ARL15: variants seen among roughly 807,000 people sequenced by gnomAD.
ARL15 encodes ADP-ribosylation factor-like protein 15.
ARL15 carries 19 observed loss-of-function variants against 25.2 expected under a neutral mutation model. The observed-to-expected ratio is 0.75, with a 90% CI of 0.53 to 1.10. The LOEUF (loss-of-function observed/expected upper bound fraction) is 1.10, where lower values mean the gene tolerates loss of function less well. Among genes scored for constraint, ARL15 ranks in the 50% least tolerant of loss-of-function variants. ARL15 has a pLI of 0.00. For synonymous variants in ARL15, 94 were observed against 86.8 expected, an observed-to-expected ratio of 1.08 and a Z score of -0.46; for missense variants, 220 against 246.0, an observed-to-expected ratio of 0.89 and a Z score of 0.71.
At chr5:53,901,457 A>G (rs1745060980) in intron 4 of ARL15, among the ~76,000 whole-genome samples, 1 of 152,206 alleles carries the variant, frequency 6.6e-6, no homozygotes, top group South Asian at 2.1e-4. Flanking sequence ...AATGAGTGAA[A>G]GCCCCAAACA....
intron 4 of ARL15, among the ~76,000 whole-genome samples, chr5:54,095,884 T>C (rs569985601): frequency 6.6e-6 from 1 of 152,210 alleles, no homozygotes; most frequent in South Asian, 2.1e-4. Flanking sequence ...AAAATTAGAT[T>C]ACATTTTAAA....
At chr5:54,105,454 T>G (rs1228275629) in intron 4 of ARL15, among the ~76,000 whole-genome samples, 3 of 152,204 alleles carry the variant, frequency 2.0e-5, no homozygotes, top group Middle Eastern at 3.2e-3. Context: ...AGTCTCTAAC[T>G]TTACTAGTTA....
intron 4 of ARL15, among the ~76,000 whole-genome samples, chr5:54,028,596 A>T (rs1209634287): frequency 1.3e-5 from 2 of 152,190 alleles, no homozygotes; most frequent in Admixed American, 6.5e-5. Flanking sequence ...TTTTACCAAT[A>T]TGTCAAAAGT....
At chr5:53,893,783 C>T (rs540662156) in intron 4 of ARL15, among the ~76,000 whole-genome samples, 1 of 152,286 alleles carries the variant, frequency 6.6e-6, no homozygotes, top group African/African-American at 2.4e-5. Context: ...GCCATGCCCA[C>T]GCCATGGCTC....
intron 4 of ARL15, among the ~76,000 whole-genome samples, chr5:54,039,735 G>A (rs1355072281): frequency 6.8e-6 from 1 of 146,036 alleles, no homozygotes; most frequent in African/African-American, 2.5e-5. Context: ...CCGGGAGGTG[G>A]AGGTTGCAGT....
intron 4 of ARL15, among the ~76,000 whole-genome samples, chr5:54,095,041 T>C (rs990585921): frequency 3.3e-5 from 5 of 152,210 alleles, no homozygotes; most frequent in Non-Finnish European, 7.3e-5. Flanking sequence ...AACTAAGATA[T>C]ATTTTCTAAT....
intron 4 of ARL15, among the ~76,000 whole-genome samples, chr5:53,911,190 A>G (rs561488179): frequency 6.6e-6 from 1 of 152,312 alleles, no homozygotes; most frequent in East Asian, 1.9e-4. Context: ...TGGTATGAGA[A>G]GCTTCAACTG....
intron 4 of ARL15, among the ~76,000 whole-genome samples, chr5:54,077,188 G>A (rs1751636932): frequency 6.6e-6 from 1 of 152,142 alleles, no homozygotes; most frequent in Admixed American, 6.5e-5. Flanking sequence ...GCAACAGGAT[G>A]AAGGATGATA....
At chr5:54,269,620 A>T (rs541218317) in intron 1 of ARL15, among the ~76,000 whole-genome samples, 2 of 152,318 alleles carry the variant, frequency 1.3e-5, no homozygotes, top group South Asian at 4.1e-4. Flanking sequence ...TTTTATTTAC[A>T]CAACATAGAG....
At chr5:54,091,336 A>G (rs1043761636) in intron 4 of ARL15, among the ~76,000 whole-genome samples, 1 of 152,164 alleles carries the variant, frequency 6.6e-6, no homozygotes, top group Non-Finnish European at 1.5e-5. Flanking sequence ...CAAATTCCAT[A>G]GTTATACATA....
At chr5:54,197,630 G>A (rs1397600046) in intron 1 of ARL15, among the ~76,000 whole-genome samples, 5 of 152,126 alleles carry the variant, frequency 3.3e-5, no homozygotes, top group Non-Finnish European at 7.3e-5. Flanking sequence ...AGAGCATAAG[G>A]AGCTGAAATT....
At chr5:53,889,810 GTT>G (rs35947755) in intron 4 of ARL15, among the ~76,000 whole-genome samples, 12 of 135,838 alleles carry the variant, frequency 8.8e-5, no homozygotes, top group South Asian at 4.8e-4. Context: ...AGTTCTGACT[GTT>G]TTTTTTTTTT....
intron 3 of ARL15, among the ~76,000 whole-genome samples, chr5:54,142,953 A>AT (rs1753812999): frequency 6.6e-6 from 1 of 152,120 alleles, no homozygotes; most frequent in Non-Finnish European, 1.5e-5. Flanking sequence ...GTACTTTTAA[A>AT]TTTTGTTGGC....
At chr5:54,027,336 C>A (rs529800675) in intron 4 of ARL15, among the ~76,000 whole-genome samples, 6 of 152,306 alleles carry the variant, frequency 3.9e-5, no homozygotes, top group Admixed American at 3.3e-4. Context: ...TTGTCTTAAC[C>A]AGTCGGAAGG....
At chr5:54,183,693 G>A (rs1263254335) in intron 1 of ARL15, among the ~76,000 whole-genome samples, 9 of 149,350 alleles carry the variant, frequency 6.0e-5, no homozygotes, top group Non-Finnish European at 7.5e-5. Context: ...TCAGTGTGGC[G>A]ATACCTCAGG....
rs544168736 is a variant in ARL15, at chr5:54,032,251, T to G, written c.462+80951A>C. ...TTTATTCTTCTTCTTATTTTTTTTT[T>G]GAGACAGAGTCTCACTCTGTCGCCC... On this transcript the variant is annotated intron_variant, in intron 4 of 4. Coordinates refer to ENST00000504924, the MANE Select transcript of ARL15 (RefSeq NM_019087.3). Among the ~76,000 whole-genome samples, 7 of 152,184 alleles carry G rather than the reference T, an allele frequency of 4.6e-5. No individual in the cohort carries two copies. The South Asian group carries it at 1.5e-3, about 32-fold the overall frequency.
intron 1 of ARL15, among the ~76,000 whole-genome samples, chr5:54,256,749 A>C (rs991079049): frequency 6.6e-6 from 1 of 152,210 alleles, no homozygotes. Flanking sequence ...ACCATGATCA[A>C]GGTGGGGTTC....
chr5:54,136,836 T>C (rs1055518799), intron 3 of ARL15, among the ~76,000 whole-genome samples: 2 of 151,974 alleles, frequency 1.3e-5, no homozygotes, highest in Admixed American at 6.6e-5. Context: ...CCCTCTGACT[T>C]TACTGGGAAG....
chr5:54,115,789 AT>A (rs1752880468), intron 3 of ARL15, among the ~76,000 whole-genome samples: 2 of 152,222 alleles, frequency 1.3e-5, no homozygotes, highest in South Asian at 4.1e-4. Flanking sequence ...CAAAACAAAA[AT>A]AAAGAGGAAA....
Sources: gnomAD v4.1 joint callset for allele counts (sites outside exome capture counted in the v4.1 genomes callset) on GRCh38, gnomAD v4.1.1 for gene constraint, MANE v1.5 for transcripts, NCBI Gene and HGNC (gene_info 2026-07-23, HGNC 2026-07-21) for gene names.